Variants in L2HGDH observed in about 807,000 individuals in gnomAD.
L2HGDH encodes the protein L-2-hydroxyglutarate dehydrogenase, mitochondrial.
In L2HGDH, 34 loss-of-function variants were observed where a neutral mutation model predicts 51.5. That is an observed-to-expected ratio of 0.66 (90% CI 0.50 to 0.88). The LOEUF is 0.88. Among genes scored for constraint, L2HGDH ranks in the 40% least tolerant of loss-of-function variants. The pLI is 0.00. For missense variants in L2HGDH, 558 were observed against 571.9 expected (o/e 0.98, Z 0.25); for synonymous variants, 198 against 197.9 (o/e 1.00, Z -0.01).
intron 4 of L2HGDH, among the ~76,000 whole-genome samples, chr14:50,288,494 G>A (rs1286390465): frequency 3.9e-5 from 6 of 152,138 alleles, no homozygotes; most frequent in East Asian, 1.9e-4. Context: ...CCAATGGCGC[G>A]ATCTCAGCTC....
rs186640362 is a variant in L2HGDH, at chr14:50,293,174, A to T, written c.540+941T>A. 49 of 700,528 alleles carry T rather than the reference A, an allele frequency of 7.0e-5. 2 individuals are homozygous for T. The African/African-American group carries it at 8.0e-4, about 11-fold the overall frequency. The allele number at this position is 700,528 out of a possible 1,614,324, so 43.4% of individuals were successfully genotyped here. On this transcript the variant is annotated intron_variant, in intron 4 of 9. Transcript: ENST00000267436. ...TAGCACAGAAGAGGCAATGGAACAG[A>T]ATGGAGTCCAGACATAGACCCGCCA...
At chr14:50,262,428 C>CAAAAAAA (rs10710877) in intron 9 of L2HGDH, among the ~76,000 whole-genome samples, 1 of 113,548 alleles carries the variant, frequency 8.8e-6, no homozygotes. Flanking sequence ...GACTCTGTCT[C>CAAAAAAA]AAAAAAAAAA....
intron 4 of L2HGDH, among the ~76,000 whole-genome samples, chr14:50,289,426 A>G (rs1890743263): frequency 6.6e-6 from 1 of 151,340 alleles, no homozygotes; most frequent in South Asian, 2.1e-4. Context: ...TCTTATCTAC[A>G]CAGTGCGTTA....
At chr14:50,302,273 T>A in intron 2 of L2HGDH, 105 bp from the exon 3 acceptor site, 2 of 1,222,936 alleles carry the variant, frequency 1.6e-6, no homozygotes, top group Non-Finnish European at 2.4e-6. Context: ...CCACATCATG[T>A]AAAATTCTGC....
chr14:50,290,770 TCTC>T (rs1182020832), intron 4 of L2HGDH, among the ~76,000 whole-genome samples: 1 of 151,976 alleles, frequency 6.6e-6, no homozygotes, highest in Non-Finnish European at 1.5e-5. Flanking sequence ...TTCAAGCAAT[TCTC>T]CTGCCTCAGC....
At position 50,304,974 on chromosome 14, in the gene L2HGDH, T is replaced by C. The variant is rs2030644687; in HGVS notation, c.141-1957A>G. Among the ~76,000 whole-genome samples, 6 of 152,218 alleles carry C rather than the reference T, an allele frequency of 3.9e-5. No individual in the cohort carries two copies. In the South Asian group the frequency reaches 1.2e-3, roughly 32 times the overall value. On this transcript the variant is annotated intron_variant, in intron 1 of 9. Coordinates refer to ENST00000267436, the MANE Select transcript of L2HGDH (RefSeq NM_024884.3). ...GTAGACAGAGGGAAATTTCAGAGAT[T>C]AGGCCCTTTCTTCGAAAAGTGATCT...
chr14:50,283,844 T>A (rs1339293920), intron 5 of L2HGDH, 27 bp downstream of exon 5: 2 of 1,606,154 alleles, frequency 1.2e-6, no homozygotes, highest in African/African-American at 2.7e-5. Context: ...CTGACTATAT[T>A]CAATAGAAAA....
intron 6 of L2HGDH, among the ~76,000 whole-genome samples, chr14:50,276,156 A>G (rs898364869): frequency 5.3e-5 from 8 of 152,348 alleles, no homozygotes; most frequent in African/African-American, 1.9e-4. Flanking sequence ...TACTGTTATA[A>G]AAGTTACTGG....
At chr14:50,273,493 T>C (rs183743818) in intron 6 of L2HGDH, among the ~76,000 whole-genome samples, 1 of 152,308 alleles carries the variant, frequency 6.6e-6, no homozygotes, top group Admixed American at 6.5e-5. Context: ...ATTAAAGATT[T>C]TAGATTGAAA....
At chr14:50,265,124 G>T (rs1889263955) in intron 9 of L2HGDH, among the ~76,000 whole-genome samples, 1 of 152,156 alleles carries the variant, frequency 6.6e-6, no homozygotes, top group Non-Finnish European at 1.5e-5. Context: ...GATTAGAGCT[G>T]TAAGGCAGTC....
At chr14:50,297,309 G>A (rs534794637) in intron 3 of L2HGDH, among the ~76,000 whole-genome samples, 2 of 152,140 alleles carry the variant, frequency 1.3e-5, no homozygotes, top group Admixed American at 1.3e-4. Flanking sequence ...TGGAAAAGAA[G>A]TAAAACTAAC....
Position 50,294,176 on chromosome 14 carries a change from C to T in L2HGDH, c.479G>A (p.Gly160Asp), listed in dbSNP as rs761645660. The change falls in exon 4 of 10, where the codon GGT (glycine) becomes GAT (aspartate). Residue 160 changes from glycine to aspartate, a missense_variant. By Grantham distance (94) the Gly-to-Asp change is moderately conservative. Transcript: ENST00000267436. ...QALYEKGLQN[G>D]VPGLRLIQQE... Reference sequence around the variant, plus strand: ...CTGGATCAGCCTCAGGCCCGGGACACCATTCTGGAGGCCTTTCTCATATAG... The same window carrying T: ...CTGGATCAGCCTCAGGCCCGGGACATCATTCTGGAGGCCTTTCTCATATAG... 4.5e-5 allele frequency: 72 copies of T among 1,613,648 alleles called. No homozygotes were observed. The highest frequency in any genetic ancestry group is 5.7e-5 in the Non-Finnish European group (67 of 1,179,926).
chr14:50,284,415 G>T (rs79054641), intron 4 of L2HGDH, among the ~76,000 whole-genome samples: 1 of 152,286 alleles, frequency 6.6e-6, no homozygotes, highest in African/African-American at 2.4e-5. Context: ...TACAAATATG[G>T]AATGGAGATT....
chr14:50,256,768 A>G (rs1888689470), intron 9 of L2HGDH, among the ~76,000 whole-genome samples: 1 of 151,202 alleles, frequency 6.6e-6, no homozygotes, highest in Non-Finnish European at 1.5e-5. Flanking sequence ...TCCATCTTGT[A>G]TTTAGTTTTA....
intron 6 of L2HGDH, among the ~76,000 whole-genome samples, chr14:50,274,436 G>A (rs1889865601): frequency 6.6e-6 from 1 of 152,126 alleles, no homozygotes; most frequent in Non-Finnish European, 1.5e-5. Flanking sequence ...ACATCTATTA[G>A]GATGGCTATT....
chr14:50,306,162 C>T (rs1400260122), intron 1 of L2HGDH, among the ~76,000 whole-genome samples: 1 of 151,758 alleles, frequency 6.6e-6, no homozygotes, highest in Non-Finnish European at 1.5e-5. Flanking sequence ...GCGATTCTTC[C>T]ACCTCAGCCT....
At chr14:50,273,870 G>A (rs1361333183) in intron 6 of L2HGDH, among the ~76,000 whole-genome samples, 3 of 152,068 alleles carry the variant, frequency 2.0e-5, no homozygotes, top group Admixed American at 1.3e-4. Flanking sequence ...ACCTGAGGTC[G>A]GAGTTCAAAA....
At chr14:50,269,476 T>C (rs1270681502) in intron 6 of L2HGDH, 146 bp from the exon 7 acceptor site, 3 of 726,826 alleles carry the variant, frequency 4.1e-6, no homozygotes, top group Non-Finnish European at 4.6e-6. Flanking sequence ...CAGCAAAATA[T>C]GTTCTTTAGC....
chr14:50,267,706 T>G lies in L2HGDH; in HGVS notation c.1064+47A>C, dbSNP rs761730195. The G allele has an allele frequency of 3.4e-6, 5 of 1,458,356 alleles. No individual in the cohort carries two copies. The South Asian group carries it at 5.8e-5, about 17-fold the overall frequency. 90.3% of individuals were successfully genotyped at this position (1,458,356 alleles called of 1,614,324 possible). A position where few individuals can be genotyped will look rare whatever the true frequency, so the allele number is the denominator to read the frequency against. On this transcript the variant is annotated intron_variant, in intron 8 of 9. Transcript: ENST00000267436. ...TCAAGAAAGACAAAACTTCCCACATTGAAAATATAAGCACATAAAATCATT... is the reference window on the plus strand; with the variant it reads ...TCAAGAAAGACAAAACTTCCCACATGGAAAATATAAGCACATAAAATCATT...
Sources: gnomAD v4.1 joint callset for allele counts (sites outside exome capture counted in the v4.1 genomes callset) on GRCh38, gnomAD v4.1.1 for gene constraint, MANE v1.5 for transcripts, NCBI Gene and HGNC (gene_info 2026-07-23, HGNC 2026-07-21) for gene names.